PTPRT: variants seen among roughly 807,000 people sequenced by gnomAD.
PTPRT encodes the protein protein tyrosine phosphatase receptor type T, also known as receptor-type tyrosine-protein phosphatase T.
In PTPRT, 56 loss-of-function variants were observed where a neutral mutation model predicts 176.8. That is an observed-to-expected ratio of 0.32 (90% CI 0.26 to 0.40). PTPRT has a LOEUF of 0.40. PTPRT is among the 10% of genes least tolerant of loss of function. The probability of loss-of-function intolerance (pLI) is 1.00; values close to 1 mark genes in which losing one functional copy is unlikely to be tolerated. For missense variants in PTPRT, 1,540 were observed against 1,908.2 expected, an observed-to-expected ratio of 0.81 and a Z score of 3.60; for synonymous variants, 783 against 739.0, an observed-to-expected ratio of 1.06 and a Z score of -0.96.
At chr20:43,021,006 C>A (rs1349267049) in intron 1 of PTPRT, among the ~76,000 whole-genome samples, 1 of 152,160 alleles carries the variant, frequency 6.6e-6, no homozygotes, top group Admixed American at 6.5e-5. Context: ...TCCATGCCAA[C>A]TGACCAAACC....
intron 7 of PTPRT, among the ~76,000 whole-genome samples, chr20:42,674,740 A>G (rs1222074844): frequency 2.0e-5 from 3 of 152,210 alleles, no homozygotes; most frequent in Admixed American, 6.5e-5. Context: ...AAAATAATCA[A>G]GAAAATGGCA....
chr20:42,094,041 T>C (rs577296539), intron 27 of PTPRT, among the ~76,000 whole-genome samples: 1 of 152,364 alleles, frequency 6.6e-6, no homozygotes, highest in South Asian at 2.1e-4. Context: ...GCCTGAAAGA[T>C]TCTTCATTCA....
chr20:42,340,311 G>A (rs1287363315), intron 11 of PTPRT, among the ~76,000 whole-genome samples: 2 of 152,126 alleles, frequency 1.3e-5, no homozygotes, highest in African/African-American at 4.8e-5. Flanking sequence ...CTTGCTCTGG[G>A]CATGAATACT....
chr20:42,838,176 A>G (rs2078215391), intron 2 of PTPRT, among the ~76,000 whole-genome samples: 1 of 152,002 alleles, frequency 6.6e-6, no homozygotes, highest in Admixed American at 6.6e-5. Flanking sequence ...ACAAGTGCCC[A>G]CCACCACGCC....
At chr20:42,186,252 T>C (rs185754642) in intron 16 of PTPRT, among the ~76,000 whole-genome samples, 27 of 152,146 alleles carry the variant, frequency 1.8e-4, no homozygotes, top group East Asian at 1.6e-3. Context: ...TCTACCATTG[T>C]AGTACAAAAG....
At chr20:42,501,081 C>T (rs2145416201) in intron 7 of PTPRT, among the ~76,000 whole-genome samples, 1 of 152,276 alleles carries the variant, frequency 6.6e-6, no homozygotes, top group South Asian at 2.1e-4. Flanking sequence ...ATTACCAGCC[C>T]TCAGAAGCCC....
intron 9 of PTPRT, among the ~76,000 whole-genome samples, chr20:42,374,834 A>C (rs2058631467): frequency 6.6e-6 from 1 of 152,216 alleles, no homozygotes; most frequent in African/African-American, 2.4e-5. Context: ...TTTTGGGGTT[A>C]ATCTCATGGC....
intron 2 of PTPRT, among the ~76,000 whole-genome samples, chr20:42,807,956 C>G (rs1046874019): frequency 6.6e-6 from 1 of 152,196 alleles, no homozygotes; most frequent in Non-Finnish European, 1.5e-5. Context: ...GTCTCCCCAG[C>G]TGCCAGGGCA....
intron 7 of PTPRT, among the ~76,000 whole-genome samples, chr20:42,626,559 C>G (rs2074292887): frequency 1.3e-5 from 2 of 152,206 alleles, no homozygotes; most frequent in South Asian, 4.1e-4. Flanking sequence ...ACATTGCCCT[C>G]TACACTTTTT....
chr20:42,063,782 T>C, the PTPRT span: 3 of 152,108 alleles, frequency 2.0e-5, no homozygotes, highest in Non-Finnish European at 2.9e-5. Context: ...CCAATTTCTC[T>C]TGGGGAAGTG....
intron 7 of PTPRT, among the ~76,000 whole-genome samples, chr20:42,474,890 G>C (rs1361496131): frequency 6.6e-6 from 1 of 151,958 alleles, no homozygotes; most frequent in Non-Finnish European, 1.5e-5. Context: ...TCCTCCCCTG[G>C]GTTTGCCCTC....
rs899397720 is a variant in PTPRT, at chr20:42,075,869, T to C, written c.*5010A>G. 4.9e-6 allele frequency: 1 copy of C among 205,580 alleles called. No individual in the cohort carries two copies. The allele number at this position is 205,580 out of a possible 1,614,324, so 12.7% of individuals were successfully genotyped here. A position where few individuals can be genotyped will look rare whatever the true frequency, so the allele number is the denominator to read the frequency against. ...CATCTTTTGCCCCAGACACTGAGAT[T>C]TGCCCTTGTTCCAAGTGGCTCTGGC... On this transcript the variant is annotated 3_prime_UTR_variant, in exon 31 of 31. Coordinates refer to ENST00000373187, the MANE Select transcript of PTPRT (RefSeq NM_007050.6).
chr20:42,169,229 T>C (rs1360325141), intron 16 of PTPRT, among the ~76,000 whole-genome samples: 3 of 152,196 alleles, frequency 2.0e-5, no homozygotes, highest in Non-Finnish European at 1.5e-5. Context: ...CAAAAGATGG[T>C]ATCTTTGTTT....
chr20:42,629,576 G>T (rs2074365688), intron 7 of PTPRT, among the ~76,000 whole-genome samples: 1 of 152,200 alleles, frequency 6.6e-6, no homozygotes, highest in South Asian at 2.1e-4. Flanking sequence ...GTTGGGGGAA[G>T]ATATATTCTG....
intron 5 of PTPRT, among the ~76,000 whole-genome samples, chr20:42,766,130 A>G (rs2076979227): frequency 6.6e-6 from 1 of 152,196 alleles, no homozygotes; most frequent in African/African-American, 2.4e-5. Flanking sequence ...CCTGAATGTC[A>G]TTTTTTAAAT....
chr20:43,053,843 G>C (rs1987138077), intron 1 of PTPRT, among the ~76,000 whole-genome samples: 1 of 152,192 alleles, frequency 6.6e-6, no homozygotes, highest in Admixed American at 6.5e-5. Flanking sequence ...CAATGAAAAT[G>C]AGGGAGAAAG....
intron 2 of PTPRT, among the ~76,000 whole-genome samples, chr20:42,812,359 G>T (rs889151433): frequency 3.9e-5 from 6 of 152,188 alleles, no homozygotes; most frequent in Admixed American, 1.3e-4. Flanking sequence ...ACCCCAAAGA[G>T]AAATTTTGTA....
At chr20:43,052,787 C>T (rs1987097195) in intron 1 of PTPRT, among the ~76,000 whole-genome samples, 1 of 152,198 alleles carries the variant, frequency 6.6e-6, no homozygotes, top group Admixed American at 6.5e-5. Flanking sequence ...TACTAAGCAT[C>T]CTTCAATCTC....
intron 16 of PTPRT, among the ~76,000 whole-genome samples, chr20:42,171,537 T>C (rs965466734): frequency 4.6e-5 from 7 of 152,168 alleles, no homozygotes; most frequent in South Asian, 2.1e-4. Flanking sequence ...CTGACACTCT[T>C]AATTGAAGAA....
Sources: allele counts gnomAD v4.1 joint callset (sites outside exome capture counted in the v4.1 genomes callset), GRCh38; gene constraint gnomAD v4.1.1; transcripts MANE v1.5; gene names NCBI Gene and HGNC (gene_info 2026-07-23, HGNC 2026-07-21).